Variants in RADIL observed in about 807,000 individuals in gnomAD.
The protein encoded by RADIL is ras-associating and dilute domain-containing protein.
In RADIL, 99 loss-of-function variants were observed where a neutral mutation model predicts 97.6. The observed-to-expected ratio is 1.01, with a 90% CI of 0.86 to 1.20. RADIL has a LOEUF of 1.20. RADIL is among the 50% of genes most tolerant of loss of function. RADIL has a pLI of 0.00. For missense variants in RADIL, 1,765 were observed against 1,498.9 expected, an observed-to-expected ratio of 1.18 and a Z score of -2.93; for synonymous variants, 803 against 691.8, an observed-to-expected ratio of 1.16 and a Z score of -2.52.
rs373422792 is a variant in RADIL, at chr7:4,817,766, G to A, written c.1616-415C>T. On this transcript the variant is annotated intron_variant, in intron 6 of 14. Transcript: ENST00000399583. The surrounding 1 kb of genome is among the most constrained non-coding windows in gnomAD (Gnocchi z 8.3). The stretch of plus-strand genomic sequence containing the variant: ...CTCTGGCAGCAGCCCCTGAGTGGCC[G>A]CCACTCTGTGGAATCATAAGTCTTT... Among the ~76,000 whole-genome samples the A allele has an allele frequency of 4.6e-5, 7 of 152,206 alleles. No homozygotes were observed. The East Asian group carries it at 7.7e-4, about 17-fold the overall frequency.
chr7:4,874,257 G>A (rs550493025), intron 2 of RADIL, among the ~76,000 whole-genome samples: 108 of 152,308 alleles, frequency 7.1e-4, no homozygotes, highest in Non-Finnish European at 1.2e-3. Flanking sequence ...CACAACAACC[G>A]AACACACTCT....
intron 2 of RADIL, among the ~76,000 whole-genome samples, chr7:4,868,400 G>A (rs986516377): frequency 6.6e-6 from 1 of 152,190 alleles, no homozygotes; most frequent in African/African-American, 2.4e-5. Context: ...ATGTGTACGG[G>A]TGGCAGCCTC....
In RADIL at chr7:4,877,957, G is replaced by A; in HGVS notation, c.183C>T (p.Ala61=). 2.5e-6 allele frequency: 4 copies of A among 1,610,780 alleles called. No homozygotes were observed. The highest frequency in any genetic ancestry group is 3.4e-6 in the Non-Finnish European group (4 of 1,179,974). The change falls in exon 2 of 15, where the codon GCC becomes GCT. Residue 61 remains alanine (A), a synonymous_variant. Transcript: ENST00000399583. ...DPAELSTQLS[A]PGVLKVFGDS... ...CCCCAAACACCTTCAGGACACCAGGGGCCGACAGCTGGGTGGAGAGCTCGG... is the reference window on the plus strand; with the variant it reads ...CCCCAAACACCTTCAGGACACCAGGAGCCGACAGCTGGGTGGAGAGCTCGG...
At position 4,873,883 on chromosome 7, in the gene RADIL, G is replaced by C. The variant is rs1784309220; in HGVS notation, c.535+3722C>G. On this transcript the variant is annotated intron_variant, in intron 2 of 14. Transcript: ENST00000399583. The surrounding 1 kb of genome is among the most constrained non-coding windows in gnomAD (Gnocchi z 4.3). Reference sequence around the variant, plus strand: ...TTCCACGTCACTCCAACCTGAGGCAGGCTGGCGCCCACGGCTGCTGGAGAA... The same window carrying C: ...TTCCACGTCACTCCAACCTGAGGCACGCTGGCGCCCACGGCTGCTGGAGAA... Among the ~76,000 whole-genome samples, 1 of 152,232 alleles carries C rather than the reference G, an allele frequency of 6.6e-6. No homozygotes were observed. The highest frequency in any genetic ancestry group is 1.5e-5 in the Non-Finnish European group (1 of 68,044).
rs193235359 is a variant in RADIL at position 4,807,409 on chromosome 7, C to T, written c.2140-1693G>A. 3.9e-3 allele frequency among the ~76,000 whole-genome samples: 592 copies of T among 152,106 alleles called. 3 individuals carry two copies. The highest frequency in any genetic ancestry group is 6.8e-3 in the Middle Eastern group (2 of 294). On this transcript the variant is annotated intron_variant, in intron 9 of 14. Transcript: ENST00000399583. ...TCTACTCTCACTTCTGTGCTTGGTC[C>T]GGGACCAGAGGTCGGGGCCAAGAGA...
intron 9 of RADIL, chr7:4,809,377 G>T (rs1298856832): frequency 3.0e-6 from 3 of 985,106 alleles, no homozygotes; most frequent in Admixed American, 6.1e-5. Context: ...CCGGCTGAGC[G>T]GGGGGAGGCG....
intron 6 of RADIL, among the ~76,000 whole-genome samples, chr7:4,820,234 C>A (rs1562436000): frequency 6.6e-6 from 1 of 152,236 alleles, no homozygotes; most frequent in Non-Finnish European, 1.5e-5. Context: ...GGGCCACCTG[C>A]CGGCTGCAAA....
At position 4,854,659 on chromosome 7, in the gene RADIL, A is replaced by G. The variant is rs538908115; in HGVS notation, c.536-18054T>C. On this transcript the variant is annotated intron_variant, in intron 2 of 14. Coordinates refer to ENST00000399583, the MANE Select transcript of RADIL (RefSeq NM_018059.5). This position sits in a 1 kb window ranked among gnomAD's most constrained non-coding sequence, Gnocchi z 5.1. ...CAGTGAGCCGAGATGGCGCCACCGC[A>G]CTCCACCCTGGGCGACAGAGCGAGA... Among the ~76,000 whole-genome samples, 9 of 152,256 alleles carry G rather than the reference A, an allele frequency of 5.9e-5. No individual in the cohort carries two copies. The East Asian group carries it at 1.5e-3, about 26-fold the overall frequency.
intron 9 of RADIL, chr7:4,809,017 CCCCCCCTTGTCCCCTTCCGACGCCACTG>C (rs1782453708): frequency 6.0e-6 from 3 of 499,774 alleles, no homozygotes; most frequent in Non-Finnish European, 4.7e-6. Flanking sequence ...GACGCCACTG[CCCCCCCTTGTCCCCTTCCGACGCCACTG>C]CCCCCCCGTT....
intron 2 of RADIL, among the ~76,000 whole-genome samples, chr7:4,853,665 C>G (rs1783760339): frequency 2.0e-5 from 3 of 148,022 alleles, no homozygotes; most frequent in South Asian, 4.3e-4. Flanking sequence ...TCGCTTGAAC[C>G]TGGGAGGCAG....
At chr7:4,812,013 C>T (rs1351529678) in intron 9 of RADIL, among the ~76,000 whole-genome samples, 1 of 151,504 alleles carries the variant, frequency 6.6e-6, no homozygotes. Context: ...TAGCTGGGAC[C>T]ACGGGCATGC....
At chr7:4,808,482 T>C in intron 9 of RADIL, 2 of 713,854 alleles carry the variant, frequency 2.8e-6, no homozygotes, top group Non-Finnish European at 3.4e-6. Flanking sequence ...CCTATTTTTA[T>C]AGGGCCCCCA....
intron 5 of RADIL, among the ~76,000 whole-genome samples, chr7:4,831,191 C>T: frequency 8.1e-6 from 1 of 123,948 alleles, no homozygotes; most frequent in Admixed American, 8.6e-5. Flanking sequence ...AACCCCATCT[C>T]AAAAAAAGAA....
At chr7:4,800,105 G>GCTTGCATGAACAGGCGGGGCCAGA in intron 13 of RADIL, 66 bp downstream of exon 13, 1 of 1,547,092 alleles carries the variant, frequency 6.5e-7, no homozygotes, top group Non-Finnish European at 8.6e-7. Flanking sequence ...CTGCGGCCAG[G>GCTTGCATGAACAGGCGGGGCCAGA]CTTGCATGAA....
At chr7:4,816,115 C>G in intron 8 of RADIL, 113 bp downstream of exon 8, 1 of 957,136 alleles carries the variant, frequency 1.0e-6, no homozygotes, top group Non-Finnish European at 1.6e-6. Context: ...GCTCAGGGAG[C>G]AGGAGGCCAA....
Position 4,869,918 on chromosome 7 carries a change from C to T in RADIL, c.535+7687G>A, listed in dbSNP as rs567454403. Among the ~76,000 whole-genome samples the T allele has an allele frequency of 2.6e-5, 4 of 152,268 alleles. No homozygotes were observed. The South Asian group carries it at 8.3e-4, about 32-fold the overall frequency. ...GGCCAAGGCAGGAGGACCACCTGAA[C>T]TCAGGAGTTCAAGACCATGCTGGGC... On this transcript the variant is annotated intron_variant, in intron 2 of 14. Coordinates refer to ENST00000399583, the MANE Select transcript of RADIL (RefSeq NM_018059.5).
At chr7:4,860,177 G>A in intron 2 of RADIL, 1 of 1,614,028 alleles carries the variant, frequency 6.2e-7, no homozygotes, top group Non-Finnish European at 8.5e-7. Context: ...CAATGGGCCT[G>A]TCTTCATAGT....
At chr7:4,874,256 C>T (rs983832242) in intron 2 of RADIL, among the ~76,000 whole-genome samples, 7 of 152,236 alleles carry the variant, frequency 4.6e-5, no homozygotes, top group Admixed American at 1.3e-4. Context: ...CCACAACAAC[C>T]GAACACACTC....
intron 2 of RADIL, among the ~76,000 whole-genome samples, chr7:4,863,699 C>T (rs1031124273): frequency 6.6e-6 from 1 of 152,246 alleles, no homozygotes; most frequent in Admixed American, 6.5e-5. Flanking sequence ...CCTTTGCCAT[C>T]TCCTTTCACC....
Sources: allele counts gnomAD v4.1 joint callset (sites outside exome capture counted in the v4.1 genomes callset), GRCh38; gene constraint gnomAD v4.1.1; non-coding constraint Gnocchi (gnomAD v3.1); transcripts MANE v1.5; gene names NCBI Gene and HGNC (gene_info 2026-07-23, HGNC 2026-07-21).